IGSF21: variants seen among roughly 807,000 people sequenced by gnomAD.
IGSF21 encodes the protein immunoglobulin superfamily member 21.
A neutral mutation model predicts 46.8 loss-of-function variants in IGSF21; 28 were observed. The observed-to-expected ratio is 0.60, with a 90% CI of 0.44 to 0.82. The LOEUF is 0.82. Ranked by LOEUF, IGSF21 falls within the 40% of genes least tolerant of loss-of-function variation. IGSF21 has a pLI of 0.00. For synonymous variants in IGSF21, 284 were observed against 273.6 expected, an observed-to-expected ratio of 1.04 and a Z score of -0.38; for missense variants, 624 against 665.5, an observed-to-expected ratio of 0.94 and a Z score of 0.69.
intron 3 of IGSF21, among the ~76,000 whole-genome samples, chr1:18,331,891 G>A (rs2085716996): frequency 6.6e-6 from 1 of 152,164 alleles, no homozygotes; most frequent in Non-Finnish European, 1.5e-5. Flanking sequence ...CAAGGAGGGT[G>A]CCCAAGAGTG....
At chr1:18,254,806 A>C (rs948667789) in intron 2 of IGSF21, among the ~76,000 whole-genome samples, 12 of 152,222 alleles carry the variant, frequency 7.9e-5, no homozygotes, top group South Asian at 2.1e-4. Flanking sequence ...ATAGCCTATA[A>C]GAGCATGGTG....
At chr1:18,128,787 G>T (rs1050057938) in intron 1 of IGSF21, among the ~76,000 whole-genome samples, 1 of 91,714 alleles carries the variant, frequency 1.1e-5, no homozygotes, top group Non-Finnish European at 2.5e-5. Context: ...TTGCTCATTC[G>T]CTGTGTGTGT....
intron 2 of IGSF21, among the ~76,000 whole-genome samples, chr1:18,272,198 A>C (rs1372618820): frequency 6.6e-6 from 1 of 152,028 alleles, no homozygotes; most frequent in Non-Finnish European, 1.5e-5. Context: ...CTCTCGTGAG[A>C]CTTATTCACT....
At chr1:18,138,408 T>G (rs1192758815) in intron 1 of IGSF21, among the ~76,000 whole-genome samples, 3 of 152,262 alleles carry the variant, frequency 2.0e-5, no homozygotes, top group Middle Eastern at 3.4e-3. Context: ...GGGGACCGTA[T>G]TCCTACTACT....
At chr1:18,331,202 G>A (rs990654500) in intron 3 of IGSF21, among the ~76,000 whole-genome samples, 9 of 151,936 alleles carry the variant, frequency 5.9e-5, no homozygotes, top group Non-Finnish European at 7.4e-5. Flanking sequence ...ATTTAGGTGC[G>A]CCCATCACCC....
At chr1:18,343,933 C>T (rs1204528657) in intron 4 of IGSF21, among the ~76,000 whole-genome samples, 1 of 152,122 alleles carries the variant, frequency 6.6e-6, no homozygotes, top group South Asian at 2.1e-4. Flanking sequence ...CTCGACCTTT[C>T]CCCTTAAAAG....
At position 18,365,335 on chromosome 1, in the gene IGSF21, G is replaced by A. The variant is rs761349132; in HGVS notation, c.653G>A (p.Arg218His). The A allele has an allele frequency of 1.2e-5, 20 of 1,613,938 alleles. No individual in the cohort carries two copies. The South Asian group carries it at 1.4e-4, about 12-fold the overall frequency. The change falls in exon 6 of 10, where the codon CGT becomes CAT. Residue 218 changes from arginine to histidine, a missense_variant. Arg to His is a conservative substitution (Grantham distance 29). Coordinates refer to ENST00000251296, the MANE Select transcript of IGSF21 (RefSeq NM_032880.5). The surrounding 1 kb of genome is among the most constrained non-coding windows in gnomAD (Gnocchi z 4.8). ...DSRPFRSLLH[R>H]DLDDTKMQKS... ...AGGCCCTTCCGCAGCCTTCTGCACC[G>A]TGACCTGGATGACACCAAGATGCAG... is the stretch of plus-strand genomic sequence containing the variant.
At chr1:18,110,612 G>T (rs35002297) in intron 1 of IGSF21, 2,525 of 152,480 alleles carry the variant, frequency 0.017, 26 homozygotes, top group East Asian at 0.049. Flanking sequence ...AGAGAGTCGG[G>T]TCTGGCAGGA....
At chr1:18,250,157 T>C (rs891123930) in intron 2 of IGSF21, among the ~76,000 whole-genome samples, 1 of 144,908 alleles carries the variant, frequency 6.9e-6, no homozygotes, top group Non-Finnish European at 1.5e-5. Context: ...TAGTTCAATT[T>C]GTACAGGCTT....
At chr1:18,327,466 T>A (rs934046023) in intron 3 of IGSF21, among the ~76,000 whole-genome samples, 5 of 152,202 alleles carry the variant, frequency 3.3e-5, no homozygotes, top group African/African-American at 9.6e-5. Flanking sequence ...TTTGAGGCTC[T>A]GTTTTAATGA....
rs564767881 is a variant in IGSF21, at chr1:18,180,374, C to T, written c.71-47524C>T. Among the ~76,000 whole-genome samples, 7 of 152,264 alleles carry T rather than the reference C, an allele frequency of 4.6e-5. No individual in the cohort carries two copies. In the South Asian group the frequency reaches 8.3e-4, roughly 18 times the overall value. On this transcript the variant is annotated intron_variant, in intron 1 of 9. Transcript: ENST00000251296. Reference sequence around the variant, plus strand: ...CAGTTACAACCATCTTTGTGCCTAGCGCTTTGGGTTGCTGAGCCCTCAGCC... The same window carrying T: ...CAGTTACAACCATCTTTGTGCCTAGTGCTTTGGGTTGCTGAGCCCTCAGCC...
intron 4 of IGSF21, among the ~76,000 whole-genome samples, chr1:18,352,964 A>C (rs1027029540): frequency 5.9e-5 from 9 of 151,746 alleles, no homozygotes; most frequent in Middle Eastern, 3.4e-3. Flanking sequence ...CGGGCCCCCC[A>C]CCCCTCGCCA....
chr1:18,136,053 A>C (rs2086365699), intron 1 of IGSF21, among the ~76,000 whole-genome samples: 2 of 151,756 alleles, frequency 1.3e-5, no homozygotes, highest in African/African-American at 2.4e-5. Context: ...GGCTGCATAA[A>C]TGTCTTCTTT....
intron 1 of IGSF21, among the ~76,000 whole-genome samples, chr1:18,132,484 T>TCAGCCTCAG (rs2086330300): frequency 6.6e-6 from 1 of 152,202 alleles, no homozygotes; most frequent in Non-Finnish European, 1.5e-5. Flanking sequence ...GAATCTGGGC[T>TCAGCCTCAG]CAGCCTCAGC....
rs371744161 is a variant in IGSF21 at position 18,376,836 on chromosome 1, C to T, written c.1138C>T (p.Arg380Trp). 53 of 1,605,304 alleles carry T rather than the reference C, an allele frequency of 3.3e-5. No homozygotes were observed. Among genetic ancestry groups the T allele is most frequent in the Non-Finnish European group, 4.4e-5 (52 of 1,173,272 alleles). ...VFPEPMFTWT[R>W]VGSRLLDGSA... is the part of the protein sequence containing the mutation. ...CCCGGAGCCCATGTTCACGTGGACG[C>T]GGGTTGGGAGCCGCCTCCTGGACGG... Residue 380 changes from arginine (R) to tryptophan (W), a missense_variant, in exon 8 of 10, where the codon CGG becomes TGG. Coordinates refer to ENST00000251296, the MANE Select transcript of IGSF21 (RefSeq NM_032880.5).
At chr1:18,277,948 G>T (rs973126826) in intron 2 of IGSF21, among the ~76,000 whole-genome samples, 1 of 152,182 alleles carries the variant, frequency 6.6e-6, no homozygotes, top group African/African-American at 2.4e-5. Context: ...GCTTACACTG[G>T]TGCACGCATT....
chr1:18,293,667 G>A (rs1326180517), intron 3 of IGSF21, among the ~76,000 whole-genome samples: 2 of 152,196 alleles, frequency 1.3e-5, no homozygotes, highest in Admixed American at 1.3e-4. Context: ...AATTCATTTT[G>A]GAGAAAATAG....
intron 1 of IGSF21, among the ~76,000 whole-genome samples, chr1:18,153,170 G>C (rs2124435765): frequency 6.6e-6 from 1 of 152,300 alleles, no homozygotes. Flanking sequence ...CGCTCTGCTG[G>C]CTTAGAACAG....
chr1:18,168,962 G>A (rs944135256), intron 1 of IGSF21, among the ~76,000 whole-genome samples: 1 of 152,228 alleles, frequency 6.6e-6, no homozygotes, highest in Non-Finnish European at 1.5e-5. Context: ...CCTGTGTGTG[G>A]AGGCTTTGAA....
Sources: allele counts gnomAD v4.1 joint callset (sites outside exome capture counted in the v4.1 genomes callset), GRCh38; gene constraint gnomAD v4.1.1; non-coding constraint Gnocchi (gnomAD v3.1); transcripts MANE v1.5; gene names NCBI Gene and HGNC (gene_info 2026-07-23, HGNC 2026-07-21).